The following CALN1 variants were observed in gnomAD, a reference collection of about 807,000 sequenced individuals.
The protein encoded by CALN1 is calneuron 1, also known as calcium-binding protein 8.
Under a neutral mutation model 30.6 loss-of-function variants are expected in CALN1, and 17 were observed. That is an observed-to-expected ratio of 0.56 (90% CI 0.38 to 0.83). The LOEUF (loss-of-function observed/expected upper bound fraction) is 0.83, where lower values mean the gene tolerates loss of function less well. CALN1 is among the 40% of genes least tolerant of loss of function. The probability of loss-of-function intolerance (pLI) is 0.00; values close to 1 mark genes in which losing one functional copy is unlikely to be tolerated. For missense variants in CALN1, 291 were observed against 354.9 expected (o/e 0.82, Z 1.45); for synonymous variants, 156 against 131.4 (o/e 1.19, Z -1.28).
chr7:71,890,519 G>A (rs1387926770), intron 5 of CALN1, among the ~76,000 whole-genome samples: 1 of 151,668 alleles, frequency 6.6e-6, no homozygotes, highest in Non-Finnish European at 1.5e-5. Context: ...CTTTGTTAAA[G>A]TCTTTAAAGA....
intron 1 of CALN1, among the ~76,000 whole-genome samples, chr7:72,438,056 C>G (rs978086403): frequency 1.3e-5 from 2 of 151,954 alleles, no homozygotes; most frequent in Admixed American, 6.6e-5. Flanking sequence ...CTCACTGCAG[C>G]CTTCACTCCT....
chr7:72,111,627 T>C (rs1433314850), intron 3 of CALN1, among the ~76,000 whole-genome samples: 2 of 152,130 alleles, frequency 1.3e-5, no homozygotes, highest in Non-Finnish European at 2.9e-5. Flanking sequence ...TTTTCATTTT[T>C]TGTAGAAACA....
rs556409873 is a variant in CALN1, at chr7:72,010,855, G to C, written c.501+12802C>G. Among the ~76,000 whole-genome samples, 11 of 149,762 alleles carry C rather than the reference G, an allele frequency of 7.3e-5. No homozygotes were observed. The South Asian group carries it at 2.4e-3, about 32-fold the overall frequency. On this transcript the variant is annotated intron_variant, in intron 5 of 6. Transcript: ENST00000395275. ...AAAGAAAAAGAAAAAGAAAAGAAAA[G>C]GAAAGGAAAGGAAAATTAGCCAGGC... is the stretch of plus-strand genomic sequence containing the variant.
chr7:72,181,181 T>C (rs143176905), intron 3 of CALN1, among the ~76,000 whole-genome samples: 90 of 144,964 alleles, frequency 6.2e-4, no homozygotes, highest in African/African-American at 2.1e-3. Context: ...TGGAAGTAAG[T>C]CTATATATGT....
At position 72,278,472 on chromosome 7, in the gene CALN1, T is replaced by TACACACACACACAC. The variant is rs59010102; in HGVS notation, c.244+200_244+213dup. On this transcript the variant is annotated intron_variant, in intron 3 of 6. Transcript: ENST00000395275. ...TAGATTGCTCAGGCTATCAGGTCTGTACACACACACACACACACACACACA... is the reference window on the plus strand; with the variant it reads ...TAGATTGCTCAGGCTATCAGGTCTGTACACACACACACACACACACACACACACACACACACACA... Among the ~76,000 whole-genome samples the TACACACACACACAC allele has an allele frequency of 6.3e-3, 913 of 144,066 alleles. 9 individuals are homozygous for TACACACACACACAC. Among genetic ancestry groups the TACACACACACACAC allele is most frequent in the East Asian group, 0.025 (119 of 4,694 alleles). 94.5% of individuals were successfully genotyped at this position (144,066 alleles called of 152,430 possible).
intron 2 of CALN1, among the ~76,000 whole-genome samples, chr7:72,288,374 A>C (rs1798242709): frequency 6.6e-6 from 1 of 152,162 alleles, no homozygotes; most frequent in African/African-American, 2.4e-5. Flanking sequence ...CAAGTGATCA[A>C]AGACATGGGG....
intron 5 of CALN1, among the ~76,000 whole-genome samples, chr7:71,991,544 G>C (rs1303843301): frequency 6.6e-6 from 1 of 150,380 alleles, no homozygotes; most frequent in African/African-American, 2.4e-5. Context: ...AAGTAATAAA[G>C]ATGAACCATT....
At chr7:72,150,340 T>A (rs993545532) in intron 3 of CALN1, among the ~76,000 whole-genome samples, 1 of 152,136 alleles carries the variant, frequency 6.6e-6, no homozygotes, top group Non-Finnish European at 1.5e-5. Flanking sequence ...GTGCCTGGGA[T>A]AGAGGATTGA....
At chr7:71,874,133 G>A (rs1792105437) in intron 5 of CALN1, among the ~76,000 whole-genome samples, 1 of 151,888 alleles carries the variant, frequency 6.6e-6, no homozygotes, top group Non-Finnish European at 1.5e-5. Context: ...AAATTAGCTG[G>A]GCGTGGTGGT....
intron 2 of CALN1, among the ~76,000 whole-genome samples, chr7:72,385,271 C>T (rs191367162): frequency 5.8e-4 from 89 of 152,268 alleles, no homozygotes; most frequent in African/African-American, 2.1e-3. Context: ...AATCTTATCA[C>T]ATGATTCAGC....
At chr7:72,287,927 T>G (rs561263825) in intron 2 of CALN1, among the ~76,000 whole-genome samples, 1 of 152,186 alleles carries the variant, frequency 6.6e-6, no homozygotes, top group Non-Finnish European at 1.5e-5. Flanking sequence ...TTTACCTTTA[T>G]TGGATTTAGT....
At chr7:71,909,706 C>T (rs767659680) in intron 5 of CALN1, among the ~76,000 whole-genome samples, 1 of 152,206 alleles carries the variant, frequency 6.6e-6, no homozygotes, top group South Asian at 2.1e-4. Context: ...ACACAGGGGA[C>T]GTTTGGTATC....
At chr7:71,963,411 T>G (rs2129525377) in intron 5 of CALN1, among the ~76,000 whole-genome samples, 1 of 152,272 alleles carries the variant, frequency 6.6e-6, no homozygotes, top group South Asian at 2.1e-4. Context: ...TCCACCTGCC[T>G]CAGCCTCCCA....
rs141530163 is a variant in CALN1 at position 72,317,501 on chromosome 7, G to A, written c.120-38691C>T. 5.9e-5 allele frequency among the ~76,000 whole-genome samples: 9 copies of A among 152,140 alleles called. No homozygotes were observed. The East Asian group carries it at 1.7e-3, about 29-fold the overall frequency. Reference sequence around the variant, plus strand: ...CTGTTCCCACAACTCTGTTTGCTCTGCCTGGCTGGCCCCACCAGAGAACTG... The same window carrying A: ...CTGTTCCCACAACTCTGTTTGCTCTACCTGGCTGGCCCCACCAGAGAACTG... On this transcript the variant is annotated intron_variant, in intron 2 of 6. Transcript: ENST00000395275.
chr7:71,861,420 G>A (rs1791270251), intron 5 of CALN1, among the ~76,000 whole-genome samples: 1 of 151,748 alleles, frequency 6.6e-6, no homozygotes, highest in South Asian at 2.1e-4. Context: ...TAGCATCAGG[G>A]GAAACTCAGA....
chr7:72,367,680 T>C (rs974913734), intron 2 of CALN1, among the ~76,000 whole-genome samples: 22 of 151,694 alleles, frequency 1.5e-4, no homozygotes, highest in African/African-American at 5.1e-4. Flanking sequence ...AAAATAAAAA[T>C]AAAAATTAGC....
intron 2 of CALN1, among the ~76,000 whole-genome samples, chr7:72,354,445 C>T (rs1423363740): frequency 6.6e-6 from 1 of 152,202 alleles, no homozygotes; most frequent in East Asian, 1.9e-4. Context: ...ATTTGACAAG[C>T]TGGTTTAAAA....
intron 2 of CALN1, among the ~76,000 whole-genome samples, chr7:72,370,709 T>A (rs1804186417): frequency 6.6e-6 from 1 of 151,942 alleles, no homozygotes; most frequent in Non-Finnish European, 1.5e-5. Flanking sequence ...ATTTTTTTTC[T>A]GAGTTCATGG....
chr7:72,326,006 A>G (rs929547932), intron 2 of CALN1, among the ~76,000 whole-genome samples: 2 of 152,088 alleles, frequency 1.3e-5, no homozygotes, highest in African/African-American at 4.8e-5. Context: ...GGTTCAAGCG[A>G]TTCTCCTGCC....
Sources: allele counts gnomAD v4.1 joint callset (sites outside exome capture counted in the v4.1 genomes callset), GRCh38; gene constraint gnomAD v4.1.1; transcripts MANE v1.5; gene names NCBI Gene and HGNC (gene_info 2026-07-23, HGNC 2026-07-21).